The following HERC5 variants were observed in gnomAD, a reference collection of about 807,000 sequenced individuals.
The protein encoded by HERC5 is HECT and RLD domain containing E3 ubiquitin protein ligase 5, also known as E3 ISG15--protein ligase HERC5.
HERC5 carries 99 observed loss-of-function variants against 119.6 expected under a neutral mutation model. The ratio of observed to expected loss-of-function variants is 0.83; its 90% CI spans 0.70 to 0.98. HERC5 has a LOEUF of 0.98. Among genes scored for constraint, HERC5 ranks in the 50% least tolerant of loss-of-function variants. The pLI is 0.00. For missense variants in HERC5, 1,267 were observed against 1,241.3 expected (o/e 1.02, Z -0.31); for synonymous variants, 478 against 445.9 (o/e 1.07, Z -0.91).
intron 11 of HERC5, chr4:88,473,888 T>C (rs1349892744): frequency 2.0e-5 from 3 of 152,188 alleles, no homozygotes; most frequent in African/African-American, 7.2e-5. Context: ...AAAGAACATA[T>C]GGTATGTAAA....
At chr4:88,496,443 T>C (rs1741796718) in intron 18 of HERC5, among the ~76,000 whole-genome samples, 1 of 152,216 alleles carries the variant, frequency 6.6e-6, no homozygotes, top group South Asian at 2.1e-4. Flanking sequence ...ATGTATGATA[T>C]TGGTGCAGGT....
chr4:88,503,115 C>A lies in HERC5; in HGVS notation c.2583-1117C>A, dbSNP rs1028100904. On this transcript the variant is annotated intron_variant, in intron 20 of 22. Transcript: ENST00000264350. ...CTATGAATATATTCCCCTGTATTTT[C>A]TTCTAGAAGCTTATCATTTTATTTC... is the stretch of plus-strand genomic sequence containing the variant. Among the ~76,000 whole-genome samples the A allele has an allele frequency of 2.0e-5, 3 of 152,016 alleles. No individual in the cohort carries two copies. In the East Asian group the frequency reaches 5.8e-4, roughly 29 times the overall value.
At chr4:88,487,506 G>GTGT (rs1427365733) in intron 15 of HERC5, among the ~76,000 whole-genome samples, 1 of 152,158 alleles carries the variant, frequency 6.6e-6, no homozygotes, top group Non-Finnish European at 1.5e-5. Context: ...GCTTGATTAG[G>GTGT]TGTAACAGAC....
chr4:88,487,119 T>C lies in HERC5; in HGVS notation c.1902T>C (p.Phe634=). The C allele has an allele frequency of 6.2e-7, 1 of 1,612,070 alleles. No individual in the cohort carries two copies. The highest frequency in any genetic ancestry group is 8.5e-7 in the Non-Finnish European group (1 of 1,178,794). The change falls in exon 15 of 23, where the codon TTT becomes TTC. Residue 634 remains phenylalanine (F), a synonymous_variant. Coordinates refer to ENST00000264350, the MANE Select transcript of HERC5 (RefSeq NM_016323.4). Reference sequence around the variant, plus strand: ...GCGTCATATTCAGTCACTTTCCATTTATCTTTAATAATCTGTCGAAAATTA... The same window carrying C: ...GCGTCATATTCAGTCACTTTCCATTCATCTTTAATAATCTGTCGAAAATTA... ...QCCVIFSHFP[F]IFNNLSKIKL... is the part of the protein sequence containing the mutation.
At position 88,489,242 on chromosome 4, in the gene HERC5, C is replaced by T. The variant is rs142920571; in HGVS notation, c.2039C>T (p.Thr680Met). ...ERESEFALRP[T>M]FDLTVRRNHL... ...GAGTCTGAATTCGCTTTGAGGCCCA[C>T]GTTTGATCTAACAGTCAGAAGGAAT... Residue 680 changes from threonine to methionine, a missense_variant, in exon 16 of 23, where the codon ACG (threonine) becomes ATG (methionine). Physicochemically the swap from Thr to Met is moderately conservative, Grantham distance 81 (BLOSUM62 -1). Around this residue, in one of 3 missense-constraint regions of HERC5, gnomAD observed 473 missense variants for 445.7 expected, o/e 1.06. Transcript: ENST00000264350. The T allele has an allele frequency of 1.2e-5, 20 of 1,613,758 alleles. No individual in the cohort carries two copies. The African/African-American group carries it at 1.5e-4, about 12-fold the overall frequency.
At position 88,489,241 on chromosome 4, in the gene HERC5, A is replaced by T; in HGVS notation, c.2038A>T (p.Thr680Ser). The change falls in exon 16 of 23, where the codon ACG becomes TCG. Residue 680 changes from threonine (T) to serine (S), a missense_variant. Transcript: ENST00000264350. ...ERESEFALRPTFDLTVRRNHL... is the reference protein window; with the variant it reads ...ERESEFALRPSFDLTVRRNHL... ...AGAGTCTGAATTCGCTTTGAGGCCC[A>T]CGTTTGATCTAACAGTCAGAAGGAA... The T allele has an allele frequency of 6.2e-7, 1 of 1,614,008 alleles. No homozygotes were observed. The highest frequency in any genetic ancestry group is 8.5e-7 in the Non-Finnish European group (1 of 1,179,914).
At chr4:88,475,657 T>TA (rs934901733) in intron 11 of HERC5, among the ~76,000 whole-genome samples, 184 bp from the exon 12 acceptor site, 1 of 152,152 alleles carries the variant, frequency 6.6e-6, no homozygotes, top group Non-Finnish European at 1.5e-5. Flanking sequence ...ATATCCCAAA[T>TA]ACCTCCAATA....
In HERC5 at chr4:88,475,312, T is replaced by TTTTC. The variant is rs1344630225; in HGVS notation, c.1393-517_1393-514dup. Among the ~76,000 whole-genome samples the TTTTC allele has an allele frequency of 3.3e-5, 5 of 150,300 alleles. No individual in the cohort carries two copies. The South Asian group carries it at 1.1e-3, about 32-fold the overall frequency. ...GTAATTCTTGCACATGTTTTTTTCT[T>TTTTC]TTTCTTTCTTTCTTTTTTTTTTTTT... On this transcript the variant is annotated intron_variant, in intron 11 of 22. Transcript: ENST00000264350.
In HERC5 at chr4:88,469,248, A is replaced by G. The variant is rs753593835; in HGVS notation, c.1226A>G (p.Gln409Arg). Residue 409 changes from glutamine (Q) to arginine (R), a missense_variant, in exon 9 of 23, where the codon CAG becomes CGG. Gln to Arg is a conservative substitution (Grantham distance 43). Transcript: ENST00000264350. ...WIADVETKRW[Q>R]STKREIQEIF... ...GCTGATGTGGAGACTAAACGGTGGC[A>G]GAGCACAAAAAGGTACACCCCACAG... is the stretch of plus-strand genomic sequence containing the variant. 3.1e-6 allele frequency: 5 copies of G among 1,610,698 alleles called. No homozygotes were observed. The highest frequency in any genetic ancestry group is 4.2e-6 in the Non-Finnish European group (5 of 1,176,890).
At chr4:88,502,006 G>T (rs545543258) in intron 20 of HERC5, among the ~76,000 whole-genome samples, 13 of 152,238 alleles carry the variant, frequency 8.5e-5, no homozygotes, top group Non-Finnish European at 1.8e-4. Context: ...CACCGTGTTA[G>T]CCAGGATGGT....
intron 18 of HERC5, among the ~76,000 whole-genome samples, chr4:88,495,162 T>C (rs1207839350): frequency 2.0e-5 from 3 of 152,234 alleles, no homozygotes; most frequent in Admixed American, 2.0e-4. Context: ...TAGTTTATAA[T>C]ATAAAGACTC....
chr4:88,478,737 G>A (rs1016302343), intron 12 of HERC5, among the ~76,000 whole-genome samples: 16 of 151,822 alleles, frequency 1.1e-4, no homozygotes, highest in African/African-American at 3.6e-4. Context: ...TCAGCCTCCC[G>A]AGTAGCTGGG....
At chr4:88,469,703 C>T (rs1740800515) in intron 9 of HERC5, among the ~76,000 whole-genome samples, 1 of 152,216 alleles carries the variant, frequency 6.6e-6, no homozygotes, top group Non-Finnish European at 1.5e-5. Flanking sequence ...TGTTCAAGTG[C>T]TTTACTCAGT....
chr4:88,504,432 A>G lies in HERC5; in HGVS notation c.2766+17A>G, dbSNP rs1742045309. 6.4e-7 allele frequency: 1 copy of G among 1,573,242 alleles called. No homozygotes were observed. The highest frequency in any genetic ancestry group is 1.2e-5 in the South Asian group (1 of 85,468). On this transcript the variant is annotated intron_variant, in intron 21 of 22. Coordinates refer to ENST00000264350, the MANE Select transcript of HERC5 (RefSeq NM_016323.4). Reference sequence around the variant, plus strand: ...TTTGAAAAGGTACATCATCAAGTCTAAGTTGATTAAATTCAGTTTTCCTTC... The same window carrying G: ...TTTGAAAAGGTACATCATCAAGTCTGAGTTGATTAAATTCAGTTTTCCTTC...
intron 10 of HERC5, among the ~76,000 whole-genome samples, chr4:88,471,750 GA>G (rs1218504151): frequency 2.0e-5 from 3 of 152,148 alleles, no homozygotes; most frequent in African/African-American, 7.2e-5. Flanking sequence ...TTATTGGTCA[GA>G]AGCCCTCTCT....
chr4:88,475,324 CT>C (rs757780297), intron 11 of HERC5, among the ~76,000 whole-genome samples: 11,914 of 123,292 alleles, frequency 0.097, 433 homozygotes, highest in East Asian at 0.22. Context: ...TTCTTTCTTT[CT>C]TTTTTTTTTT....
rs965846425 is a variant in HERC5 at position 88,457,338 on chromosome 4, C to T, written c.69C>T (p.Thr23=). Residue 23 remains threonine (T), a synonymous_variant, in exon 1 of 23, where the codon ACC becomes ACT. Coordinates refer to ENST00000264350, the MANE Select transcript of HERC5 (RefSeq NM_016323.4). The stretch of plus-strand genomic sequence containing the variant: ...CGACCGCGGGCAAGGCCGCCGCGAC[C>T]CAGCCCGCGAAGTCTCCGGGCGCAC... ...GRSTAGKAAA[T]QPAKSPGAQL... 7 of 1,410,172 alleles carry T rather than the reference C, an allele frequency of 5.0e-6. No homozygotes were observed. The highest frequency in any genetic ancestry group is 6.5e-6 in the Non-Finnish European group (7 of 1,084,570). The allele number at this position is 1,410,172 out of a possible 1,614,324, so 87.4% of individuals were successfully genotyped here.
intron 10 of HERC5, among the ~76,000 whole-genome samples, chr4:88,471,533 G>C (rs527395255): frequency 2.4e-4 from 36 of 151,380 alleles, no homozygotes; most frequent in Non-Finnish European, 5.9e-5. Context: ...AAAGACAGCA[G>C]CTTTGCTATG....
chr4:88,464,238 C>G (rs1252265507), intron 6 of HERC5, among the ~76,000 whole-genome samples: 1 of 142,968 alleles, frequency 7.0e-6, no homozygotes, highest in East Asian at 2.0e-4. Flanking sequence ...TAGTGAAATA[C>G]CTTTGTAACT....
Sources: gnomAD v4.1 joint callset for allele counts (sites outside exome capture counted in the v4.1 genomes callset) on GRCh38, gnomAD v4.1.1 for gene constraint, gnomAD v4.1.1 regional missense constraint, MANE v1.5 for transcripts, NCBI Gene and HGNC (gene_info 2026-07-23, HGNC 2026-07-21) for gene names.